CNBD1: variants seen among roughly 807,000 people sequenced by gnomAD.
The protein encoded by CNBD1 is cyclic nucleotide-binding domain-containing protein 1.
A neutral mutation model predicts 54.4 loss-of-function variants in CNBD1; 71 were observed. That is an observed-to-expected ratio of 1.30 (90% CI 1.08 to 1.59). CNBD1 has a LOEUF of 1.59. Ranked by LOEUF, CNBD1 falls within the 40% of genes most tolerant of loss-of-function variation. The probability of loss-of-function intolerance (pLI) is 0.00; values close to 1 mark genes in which losing one functional copy is unlikely to be tolerated. For synonymous variants in CNBD1, 182 were observed against 170.7 expected, an observed-to-expected ratio of 1.07 and a Z score of -0.51; for missense variants, 659 against 518.0, an observed-to-expected ratio of 1.27 and a Z score of -2.64.
chr8:86,904,060 T>C (rs2131807308), intron 2 of CNBD1, among the ~76,000 whole-genome samples: 1 of 152,114 alleles, frequency 6.6e-6, no homozygotes, highest in Admixed American at 6.5e-5. Context: ...GAATTTGTCT[T>C]GTGTAAAGCA....
rs935289185 is a variant in CNBD1, at chr8:86,901,388, A to T, written c.159-3693A>T. Among the ~76,000 whole-genome samples, 7 of 152,318 alleles carry T rather than the reference A, an allele frequency of 4.6e-5. No individual in the cohort carries two copies. The East Asian group carries it at 5.8e-4, about 13-fold the overall frequency. On this transcript the variant is annotated intron_variant, in intron 2 of 10. Transcript: ENST00000518476. ...ATATTCAACTTTTATGATTTGCCTT[A>T]GTTAACTTAAAATAAAAAATGTGAA...
At chr8:87,041,667 T>C (rs1371732242) in intron 4 of CNBD1, among the ~76,000 whole-genome samples, 3 of 152,076 alleles carry the variant, frequency 2.0e-5, no homozygotes, top group East Asian at 1.9e-4. Context: ...GGCATGGTGG[T>C]GGGTGCCTGT....
chr8:87,371,166 C>T (rs1392521721), intron 10 of CNBD1, among the ~76,000 whole-genome samples: 2 of 151,754 alleles, frequency 1.3e-5, no homozygotes, highest in Non-Finnish European at 2.9e-5. Flanking sequence ...TAGTGTGATG[C>T]CTCCAGTTTT....
At chr8:86,942,546 G>C (rs184941540) in intron 4 of CNBD1, among the ~76,000 whole-genome samples, 1 of 152,302 alleles carries the variant, frequency 6.6e-6, no homozygotes, top group East Asian at 1.9e-4. Context: ...TTCTACTAGA[G>C]ACTCCCTAGA....
chr8:87,396,054 C>A (rs1268886082), intron 2 of CNBD1, among the ~76,000 whole-genome samples: 1 of 151,816 alleles, frequency 6.6e-6, no homozygotes, highest in Non-Finnish European at 1.5e-5. Flanking sequence ...TACTCAGGCT[C>A]GGGTATGTCT....
intron 8 of CNBD1, among the ~76,000 whole-genome samples, chr8:87,296,806 A>T (rs142659770): frequency 5.3e-5 from 8 of 152,230 alleles, no homozygotes; most frequent in Admixed American, 5.2e-4. Flanking sequence ...TTGAGGAAGT[A>T]TCTTAGGCTG....
intron 8 of CNBD1, among the ~76,000 whole-genome samples, chr8:87,302,125 C>A (rs955617803): frequency 1.3e-5 from 2 of 152,150 alleles, no homozygotes; most frequent in Admixed American, 1.3e-4. Flanking sequence ...GGAATCCTCC[C>A]TAACTCATTT....
intron 10 of CNBD1, among the ~76,000 whole-genome samples, chr8:87,379,327 C>T (rs952685626): frequency 1.3e-5 from 2 of 151,884 alleles, no homozygotes; most frequent in Non-Finnish European, 2.9e-5. Flanking sequence ...ATCAACGAGA[C>T]AGAAAGTCAA....
Position 86,870,189 on chromosome 8 carries a change from C to CCTTTTTTTTTTTTT in CNBD1, c.88+3606_88+3607insCTTTTTTTTTTTTT, listed in dbSNP as rs1554626453. On this transcript the variant is annotated intron_variant, in intron 1 of 10. Transcript: ENST00000518476. ...AGAAATTTAGAAACAAGATAGTACT[C>CCTTTTTTTTTTTTT]TTTTTTTTTTTTTTTCTGAGACGGA... is the stretch of plus-strand genomic sequence containing the variant. 4.7e-4 allele frequency among the ~76,000 whole-genome samples: 47 copies of CCTTTTTTTTTTTTT among 100,606 alleles called. 4 individuals are homozygous for CCTTTTTTTTTTTTT. Among genetic ancestry groups the CCTTTTTTTTTTTTT allele is most frequent in the African/African-American group, 1.4e-3 (36 of 24,916 alleles). 66.0% of individuals were successfully genotyped at this position (100,606 alleles called of 152,430 possible).
intron 2 of CNBD1, among the ~76,000 whole-genome samples, chr8:87,405,797 C>T (rs1807641761): frequency 6.6e-6 from 1 of 152,132 alleles, no homozygotes; most frequent in African/African-American, 2.4e-5. Flanking sequence ...CTAATACACC[C>T]TGGTCACTGT....
At chr8:87,083,799 A>G (rs1012624569) in intron 4 of CNBD1, among the ~76,000 whole-genome samples, 2 of 152,048 alleles carry the variant, frequency 1.3e-5, no homozygotes, top group African/African-American at 2.4e-5. Flanking sequence ...CATGTTAGCC[A>G]GGATGGTCTT....
chr8:87,127,587 T>C (rs1016511644), intron 4 of CNBD1, among the ~76,000 whole-genome samples: 10 of 152,182 alleles, frequency 6.6e-5, no homozygotes, highest in African/African-American at 2.4e-4. Context: ...TGGACAATTA[T>C]GTTGTCTGCG....
intron 8 of CNBD1, among the ~76,000 whole-genome samples, chr8:87,335,744 G>A (rs528445033): frequency 1.4e-4 from 22 of 152,128 alleles, no homozygotes; most frequent in Middle Eastern, 3.4e-3. Flanking sequence ...TTATCATGTC[G>A]TCATGACACT....
At chr8:87,354,502 C>G (rs1397353857) in intron 10 of CNBD1, among the ~76,000 whole-genome samples, 1 of 151,870 alleles carries the variant, frequency 6.6e-6, no homozygotes, top group East Asian at 1.9e-4. Flanking sequence ...GTGTGCTGCA[C>G]CCATTAACTC....
rs571204388 is a variant in CNBD1 at position 87,145,613 on chromosome 8, T to C, written c.432-60380T>C. On this transcript the variant is annotated intron_variant, in intron 4 of 10. Transcript: ENST00000518476. ...AAGGAAAGAGAATAATGAAAAACCA[T>C]AGCATATAAGATGGGATTGATTAGA... 4.6e-5 allele frequency among the ~76,000 whole-genome samples: 7 copies of C among 152,288 alleles called. No homozygotes were observed. The South Asian group carries it at 1.2e-3, about 27-fold the overall frequency.
At chr8:87,221,322 T>A (rs2130809134) in intron 5 of CNBD1, among the ~76,000 whole-genome samples, 1 of 152,242 alleles carries the variant, frequency 6.6e-6, no homozygotes, top group Non-Finnish European at 1.5e-5. Flanking sequence ...CCTAACCTGC[T>A]TTTAAGTGAA....
At chr8:87,210,472 C>CA (rs1350987694) in intron 5 of CNBD1, among the ~76,000 whole-genome samples, 5 of 152,178 alleles carry the variant, frequency 3.3e-5, no homozygotes, top group African/African-American at 1.2e-4. Context: ...CCTAGGTAGA[C>CA]ACTCCTATGA....
intron 6 of CNBD1, among the ~76,000 whole-genome samples, chr8:87,242,605 C>A (rs1807730159): frequency 6.6e-6 from 1 of 152,136 alleles, no homozygotes; most frequent in Non-Finnish European, 1.5e-5. Context: ...TCCCACCTTT[C>A]CAGATAGAAC....
Position 87,166,583 on chromosome 8 carries a change from T to C in CNBD1, c.432-39410T>C, listed in dbSNP as rs1231122758. Among the ~76,000 whole-genome samples, 1 of 151,990 alleles carries C rather than the reference T, an allele frequency of 6.6e-6. No homozygotes were observed. Among genetic ancestry groups the C allele is most frequent in the Non-Finnish European group, 1.5e-5 (1 of 67,914 alleles). ...CTGAGGGATCTGGCCCAGCTCAGTT[T>C]CTCAATGTTCATTATTTCCAAAGTC... is the stretch of plus-strand genomic sequence containing the variant. On this transcript the variant is annotated intron_variant, in intron 4 of 10. Transcript: ENST00000518476. The surrounding 1 kb of genome is among the most constrained non-coding windows in gnomAD (Gnocchi z 4.3).
Sources: allele counts gnomAD v4.1 joint callset (sites outside exome capture counted in the v4.1 genomes callset), GRCh38; gene constraint gnomAD v4.1.1; non-coding constraint Gnocchi (gnomAD v3.1); transcripts MANE v1.5; gene names NCBI Gene and HGNC (gene_info 2026-07-23, HGNC 2026-07-21).